The following MYLK4 variants were observed in gnomAD, a reference collection of about 807,000 sequenced individuals.
MYLK4 encodes caMLCK like.
A neutral mutation model predicts 48.1 loss-of-function variants in MYLK4; 46 were observed. The ratio of observed to expected loss-of-function variants is 0.96; its 90% CI spans 0.75 to 1.22. The LOEUF (loss-of-function observed/expected upper bound fraction) is 1.22, where lower values mean the gene tolerates loss of function less well. MYLK4 is among the 50% of genes most tolerant of loss of function. The pLI, the probability that MYLK4 is intolerant of heterozygous loss-of-function variation, is 0.00. For synonymous variants in MYLK4, 170 were observed against 180.8 expected, an observed-to-expected ratio of 0.94 and a Z score of 0.48; for missense variants, 451 against 486.1, an observed-to-expected ratio of 0.93 and a Z score of 0.68.
chr6:2,760,491 T>C, the MYLK4 span, among the ~76,000 whole-genome samples: 1 of 152,194 alleles, frequency 6.6e-6, no homozygotes, highest in Admixed American at 6.5e-5. Context: ...CAAATTCAAT[T>C]TCTAGCCCCT....
At chr6:2,695,579 C>A (rs1194606078) in intron 2 of MYLK4, among the ~76,000 whole-genome samples, 1 of 152,122 alleles carries the variant, frequency 6.6e-6, no homozygotes, top group East Asian at 1.9e-4. Flanking sequence ...TATGTTTTTC[C>A]ATTTAAATAA....
intron 2 of MYLK4, among the ~76,000 whole-genome samples, chr6:2,706,148 T>C (rs566860797): frequency 6.6e-6 from 1 of 152,398 alleles, no homozygotes; most frequent in South Asian, 2.1e-4. Context: ...TCATTAAACA[T>C]CCAGCCATCA....
chr6:2,727,730 C>T (rs149091838), intron 2 of MYLK4, among the ~76,000 whole-genome samples: 1,796 of 152,158 alleles, frequency 0.012, 16 homozygotes, highest in Middle Eastern at 0.054. Flanking sequence ...GGGCGGATCA[C>T]GAGGTCAAGA....
intron 1 of MYLK4, among the ~76,000 whole-genome samples, chr6:2,749,927 T>C (rs1764229246): frequency 6.6e-6 from 1 of 152,232 alleles, no homozygotes; most frequent in African/African-American, 2.4e-5. Context: ...TCTTCTCACG[T>C]GGACAGCACT....
intron 2 of MYLK4, among the ~76,000 whole-genome samples, chr6:2,744,650 T>A (rs772956224): frequency 6.6e-6 from 1 of 152,144 alleles, no homozygotes; most frequent in Non-Finnish European, 1.5e-5. Context: ...CCTCTGCACA[T>A]CCTGTTAATA....
intron 2 of MYLK4, among the ~76,000 whole-genome samples, chr6:2,729,013 T>G (rs775574313): frequency 6.6e-6 from 1 of 152,170 alleles, no homozygotes; most frequent in Non-Finnish European, 1.5e-5. Flanking sequence ...TTGCTATGTG[T>G]ACACACATGC....
chr6:2,754,407 G>GA (rs1050040646), upstream of MYLK4, among the ~76,000 whole-genome samples: 63 of 146,670 alleles, frequency 4.3e-4, no homozygotes, highest in African/African-American at 9.2e-4. Flanking sequence ...TGTGCTAATT[G>GA]AAAAAAAAAA....
intron 2 of MYLK4, among the ~76,000 whole-genome samples, chr6:2,745,139 C>A (rs564391698): frequency 6.6e-6 from 1 of 152,044 alleles, no homozygotes; most frequent in African/African-American, 2.4e-5. Context: ...GTGAGAAGCA[C>A]GCAGGGCCGA....
At chr6:2,686,357 C>A (rs981424185) in intron 4 of MYLK4, among the ~76,000 whole-genome samples, 8 of 152,218 alleles carry the variant, frequency 5.3e-5, no homozygotes, top group African/African-American at 2.4e-5. Context: ...GCATATGTAA[C>A]AATACTGCAT....
intron 2 of MYLK4, among the ~76,000 whole-genome samples, chr6:2,745,144 G>A (rs990951173): frequency 6.6e-6 from 1 of 152,144 alleles, no homozygotes; most frequent in Non-Finnish European, 1.5e-5. Context: ...AAGCACGCAG[G>A]GCCGAATGGT....
intron 2 of MYLK4, among the ~76,000 whole-genome samples, chr6:2,721,267 T>C (rs1439721667): frequency 6.6e-6 from 1 of 152,192 alleles, no homozygotes; most frequent in East Asian, 1.9e-4. Flanking sequence ...TCCAGCACAA[T>C]GAATGAAACA....
chr6:2,671,406 T>G, intron 11 of MYLK4, 58 bp from the exon 12 acceptor site: 17 of 1,500,402 alleles, frequency 1.1e-5, no homozygotes, highest in Non-Finnish European at 1.5e-5. Flanking sequence ...AGGTCCTGAC[T>G]TATGAGCTCA....
At chr6:2,761,722 G>C in the MYLK4 span, among the ~76,000 whole-genome samples, 1 of 152,292 alleles carries the variant, frequency 6.6e-6, no homozygotes, top group African/African-American at 2.4e-5. Context: ...GGTTCTTGAA[G>C]TCAAGGTCTA....
At chr6:2,694,324 ATCCCCACCCCTGGTG>A (rs1761931315) in intron 2 of MYLK4, among the ~76,000 whole-genome samples, 1 of 148,970 alleles carries the variant, frequency 6.7e-6, no homozygotes, top group Non-Finnish European at 1.5e-5. Flanking sequence ...CTCAGCACAT[ATCCCCACCCCTGGTG>A]TCCCTTATAA....
intron 12 of MYLK4, among the ~76,000 whole-genome samples, chr6:2,668,358 C>T (rs1321863391): frequency 4.6e-5 from 7 of 152,224 alleles, no homozygotes; most frequent in South Asian, 4.2e-4. Context: ...GGCCCGCACA[C>T]GGCTACCTGC....
Position 2,667,048 on chromosome 6 carries a change from T to C in MYLK4, c.*877A>G, listed in dbSNP as rs571176987. On this transcript the variant is annotated 3_prime_UTR_variant, in exon 13 of 13. Coordinates refer to ENST00000274643, the MANE Select transcript of MYLK4 (RefSeq NM_001012418.5). Reference sequence around the variant, plus strand: ...CTCAGTGCTATCTTGCTCCAGGAGGTGCAGATCCGTCTCTTTTAGTTGACA... The same window carrying C: ...CTCAGTGCTATCTTGCTCCAGGAGGCGCAGATCCGTCTCTTTTAGTTGACA... The C allele has an allele frequency of 6.7e-6, 1 of 149,858 alleles. No homozygotes were observed. The highest frequency in any genetic ancestry group is 1.5e-5 in the Non-Finnish European group (1 of 67,672). 9.3% of individuals were successfully genotyped at this position (149,858 alleles called of 1,614,324 possible). A position where few individuals can be genotyped will look rare whatever the true frequency, so the allele number is the denominator to read the frequency against.
chr6:2,745,580 T>C (rs1764056915), intron 2 of MYLK4, among the ~76,000 whole-genome samples: 1 of 152,150 alleles, frequency 6.6e-6, no homozygotes, highest in Non-Finnish European at 1.5e-5. Flanking sequence ...GAACAGCCTT[T>C]GGAACATAAT....
At chr6:2,733,391 C>T (rs1055510634) in intron 2 of MYLK4, among the ~76,000 whole-genome samples, 5 of 152,022 alleles carry the variant, frequency 3.3e-5, no homozygotes, top group African/African-American at 9.7e-5. Context: ...ATTCATAATC[C>T]CCAGAGACCA....
At chr6:2,693,465 TG>T (rs1289614120) in intron 2 of MYLK4, among the ~76,000 whole-genome samples, 6 of 152,196 alleles carry the variant, frequency 3.9e-5, no homozygotes, top group African/African-American at 1.4e-4. Context: ...TTAGAACAGA[TG>T]GCCCTTTTCC....
Sources: allele counts gnomAD v4.1 joint callset (sites outside exome capture counted in the v4.1 genomes callset), GRCh38; gene constraint gnomAD v4.1.1; transcripts MANE v1.5; gene names NCBI Gene and HGNC (gene_info 2026-07-23, HGNC 2026-07-21).